The following TTC28 variants were observed in gnomAD, a reference collection of about 807,000 sequenced individuals.
The protein encoded by TTC28 is tetratricopeptide repeat protein 28.
TTC28 carries 61 observed loss-of-function variants against 198.0 expected under a neutral mutation model. The observed-to-expected ratio is 0.31, with a 90% CI of 0.25 to 0.38. TTC28 has a LOEUF of 0.38. TTC28 is among the 10% of genes least tolerant of loss of function. The probability of loss-of-function intolerance (pLI) is 1.00; values close to 1 mark genes in which losing one functional copy is unlikely to be tolerated. For synonymous variants in TTC28, 1,171 were observed against 1,297.8 expected, an observed-to-expected ratio of 0.90 and a Z score of 2.10; for missense variants, 2,678 against 3,164.0, an observed-to-expected ratio of 0.85 and a Z score of 3.69.
rs1312830444 is a variant in TTC28 at position 28,670,188 on chromosome 22, T to C, written c.102+9434A>G. On this transcript the variant is annotated intron_variant, in intron 1 of 22. Coordinates refer to ENST00000397906, the MANE Select transcript of TTC28 (RefSeq NM_001145418.2). ...TTCTGACATTTTTCTACACCTCTAA[T>C]GAAATACATTTCACATATCGTAAAA... is the stretch of plus-strand genomic sequence containing the variant. Among the ~76,000 whole-genome samples, 10 of 151,944 alleles carry C rather than the reference T, an allele frequency of 6.6e-5. No individual in the cohort carries two copies. The Admixed American group carries it at 6.6e-4, about 10-fold the overall frequency.
At position 28,108,317 on chromosome 22, in the gene TTC28, A is replaced by G; in HGVS notation, c.1528T>C (p.Tyr510His). 1 of 1,527,986 alleles carries G rather than the reference A, an allele frequency of 6.5e-7. No homozygotes were observed. The highest frequency in any genetic ancestry group is 8.8e-7 in the Non-Finnish European group (1 of 1,130,384). The allele number at this position is 1,527,986 out of a possible 1,614,324, so 94.7% of individuals were successfully genotyped here. A position where few individuals can be genotyped will look rare whatever the true frequency, so the allele number is the denominator to read the frequency against. ...HLCIAQELSD[Y>H]AAQGRAYGNM... ...CCATAGGCACGGCCCTGGGCAGCAT[A>G]ATCACTCAGCTCCTGGGCAATGCAC... is the stretch of plus-strand genomic sequence containing the variant. Residue 510 changes from tyrosine (Y) to histidine (H), a missense_variant, in exon 7 of 23, where the codon TAT becomes CAT. Physicochemically the swap from Tyr to His is moderately conservative, Grantham distance 83. Transcript: ENST00000397906.
intron 2 of TTC28, among the ~76,000 whole-genome samples, chr22:28,436,599 C>G (rs2047523955): frequency 6.6e-6 from 1 of 152,188 alleles, no homozygotes. Context: ...TGAGCCATGT[C>G]CAGCTAGACT....
At chr22:28,405,951 T>C (rs1188275423) in intron 2 of TTC28, among the ~76,000 whole-genome samples, 1 of 152,270 alleles carries the variant, frequency 6.6e-6, no homozygotes, top group Non-Finnish European at 1.5e-5. Context: ...TTAGCCCTGC[T>C]CCACAAAGAA....
chr22:28,314,121 AAG>A (rs2045314217), intron 2 of TTC28, among the ~76,000 whole-genome samples: 1 of 152,176 alleles, frequency 6.6e-6, no homozygotes, highest in Non-Finnish European at 1.5e-5. Flanking sequence ...AACTGCTACT[AAG>A]AGAATAAAAT....
chr22:28,597,383 A>G (rs190497853), intron 2 of TTC28, among the ~76,000 whole-genome samples: 136 of 152,232 alleles, frequency 8.9e-4, no homozygotes, highest in Non-Finnish European at 1.7e-3. Flanking sequence ...TACTTTCTAT[A>G]TAACTCTCTG....
intron 5 of TTC28, among the ~76,000 whole-genome samples, chr22:28,167,404 T>C (rs1034255627): frequency 2.0e-5 from 3 of 152,220 alleles, no homozygotes; most frequent in Admixed American, 6.5e-5. Flanking sequence ...CTGATGAACA[T>C]TGATGCAAAA....
At chr22:28,165,358 C>G (rs550066171) in intron 5 of TTC28, among the ~76,000 whole-genome samples, 2 of 151,994 alleles carry the variant, frequency 1.3e-5, no homozygotes, top group Non-Finnish European at 1.5e-5. Flanking sequence ...AGAAGAGCAA[C>G]GCCAAGACAC....
Position 28,184,573 on chromosome 22 carries a change from A to AT in TTC28, c.934-20975dup, listed in dbSNP as rs560811519. On this transcript the variant is annotated intron_variant, in intron 5 of 22. Coordinates refer to ENST00000397906, the MANE Select transcript of TTC28 (RefSeq NM_001145418.2). ...TTAAGATCCTAAGTTACATTTTTAA[A>AT]TTTTTTTTTACCAATTTCCTCAGGT... Among the ~76,000 whole-genome samples the AT allele has an allele frequency of 8.9e-3, 1,357 of 151,678 alleles. 18 individuals carry two copies. Among genetic ancestry groups the AT allele is most frequent in the African/African-American group, 0.031 (1,279 of 41,372 alleles).
intron 6 of TTC28, among the ~76,000 whole-genome samples, chr22:28,143,854 C>A (rs1943399284): frequency 6.6e-6 from 1 of 152,156 alleles, no homozygotes; most frequent in South Asian, 2.1e-4. Context: ...AACTTTTCTT[C>A]CAGCGAATCT....
chr22:27,984,981 C>T (rs983265362), intron 22 of TTC28, among the ~76,000 whole-genome samples: 1 of 152,292 alleles, frequency 6.6e-6, no homozygotes, highest in East Asian at 1.9e-4. Flanking sequence ...CCTGTCGCCG[C>T]GTTCCCGTCT....
chr22:28,611,507 T>TTTTAA (rs1569058988), intron 2 of TTC28, among the ~76,000 whole-genome samples: 4,813 of 96,680 alleles, frequency 0.05, 134 homozygotes, highest in African/African-American at 0.1. Flanking sequence ...TTTTTTTAAT[T>TTTTAA]TTTTTTTTTT....
intron 2 of TTC28, among the ~76,000 whole-genome samples, chr22:28,422,776 A>G (rs1225679933): frequency 6.6e-6 from 1 of 152,106 alleles, no homozygotes; most frequent in East Asian, 1.9e-4. Context: ...TACCTCTATA[A>G]GAAGTTTAAA....
rs1284878324 is a variant in TTC28, at chr22:28,107,436, G to A, written c.2409C>T (p.Val803=). The A allele has an allele frequency of 6.4e-7, 1 of 1,551,724 alleles. No individual in the cohort carries two copies. ...TTGTGTATTTCCCAAGGGCCATGTA[G>A]ACAGCAGCCAGGTGCCCATGAGCTC... ...ECRAHGHLAA[V]YMALGKYTMA... Residue 803 remains valine (V), a synonymous_variant, in exon 7 of 23, where the codon GTC becomes GTT. Transcript: ENST00000397906.
At chr22:28,057,167 T>C (rs1262859372) in intron 12 of TTC28, among the ~76,000 whole-genome samples, 3 of 152,190 alleles carry the variant, frequency 2.0e-5, no homozygotes, top group Non-Finnish European at 2.9e-5. Context: ...CAGAGTGAAA[T>C]TGATGATCCA....
chr22:28,306,106 T>C (rs1053859775), intron 3 of TTC28, among the ~76,000 whole-genome samples: 1 of 152,172 alleles, frequency 6.6e-6, no homozygotes, highest in Admixed American at 6.5e-5. Flanking sequence ...AAGGCATATA[T>C]TGGTCCATCT....
intron 5 of TTC28, among the ~76,000 whole-genome samples, chr22:28,255,101 G>T (rs1427719192): frequency 1.3e-5 from 2 of 152,090 alleles, no homozygotes; most frequent in Non-Finnish European, 2.9e-5. Flanking sequence ...TTCACCAGAA[G>T]CAAATGCAGA....
intron 5 of TTC28, among the ~76,000 whole-genome samples, chr22:28,246,070 T>C (rs1055397868): frequency 6.6e-6 from 1 of 152,218 alleles, no homozygotes; most frequent in African/African-American, 2.4e-5. Context: ...TATTTACTCT[T>C]AGCTTTAATG....
chr22:28,350,570 T>C (rs975142698), intron 2 of TTC28, among the ~76,000 whole-genome samples: 2 of 152,156 alleles, frequency 1.3e-5, no homozygotes, highest in Non-Finnish European at 2.9e-5. Context: ...CTCCCATGGA[T>C]GGAACCGTAT....
At chr22:28,009,096 G>A (rs1039644733) in intron 14 of TTC28, among the ~76,000 whole-genome samples, 5 of 152,174 alleles carry the variant, frequency 3.3e-5, no homozygotes, top group Non-Finnish European at 7.3e-5. Context: ...AATGTTTGAT[G>A]ATGGCTCATG....
Sources: allele counts gnomAD v4.1 joint callset (sites outside exome capture counted in the v4.1 genomes callset), GRCh38; gene constraint gnomAD v4.1.1; transcripts MANE v1.5; gene names NCBI Gene and HGNC (gene_info 2026-07-23, HGNC 2026-07-21).